FBXO21: variants seen among roughly 807,000 people sequenced by gnomAD.
The protein encoded by FBXO21 is F-box protein 21, also known as F-box only protein 21.
FBXO21 carries 32 observed loss-of-function variants against 76.6 expected under a neutral mutation model. The observed-to-expected ratio is 0.42, with a 90% confidence interval of 0.32 to 0.56. FBXO21 has a LOEUF of 0.56. Ranked by LOEUF, FBXO21 falls within the 20% of genes least tolerant of loss-of-function variation. The pLI, the probability that FBXO21 is intolerant of heterozygous loss-of-function variation, is 0.16. For synonymous variants in FBXO21, 328 were observed against 311.5 expected (o/e 1.05, Z -0.56); for missense variants, 586 against 797.3 (o/e 0.73, Z 3.19).
At chr12:117,181,811 G>A (rs541333776) in intron 3 of FBXO21, among the ~76,000 whole-genome samples, 34 of 152,074 alleles carry the variant, frequency 2.2e-4, no homozygotes, top group Non-Finnish European at 4.3e-4. Context: ...CACCATGCCC[G>A]GCTAATTTTT....
At chr12:117,183,167 CTATAA>C (rs138158852) in intron 3 of FBXO21, among the ~76,000 whole-genome samples, 3,469 of 152,124 alleles carry the variant, frequency 0.023, 131 homozygotes, top group African/African-American at 0.08. Flanking sequence ...TCTAAAAACA[CTATAA>C]TATATGTCTT....
intron 2 of FBXO21, 78 bp downstream of exon 2, chr12:117,189,149 C>A: frequency 6.5e-7 from 1 of 1,534,438 alleles, no homozygotes; most frequent in South Asian, 1.1e-5. Context: ...ACGAAAAGAG[C>A]TGGATGAGCT....
intron 3 of FBXO21, among the ~76,000 whole-genome samples, chr12:117,182,408 T>A (rs1445016852): frequency 1.3e-5 from 2 of 151,960 alleles, no homozygotes; most frequent in Non-Finnish European, 2.9e-5. Flanking sequence ...GAGGATCCCC[T>A]GAACACAGGA....
In FBXO21 at chr12:117,177,519, C is replaced by A. The variant is rs1956187462; in HGVS notation, c.592+1G>T. The stretch of plus-strand genomic sequence containing the variant: ...GTCCACATATATGGGAAAAGACCCA[C>A]CTTCAAGATACGACTCATAGTCATC... On this transcript the variant is annotated splice_donor_variant, in intron 4 of 11. Coordinates refer to ENST00000622495, the MANE Select transcript of FBXO21 (RefSeq NM_015002.3). LOFTEE classifies it high-confidence loss of function. 6.2e-7 allele frequency: 1 copy of A among 1,612,142 alleles called. No individual in the cohort carries two copies. The highest frequency in any genetic ancestry group is 8.5e-7 in the Non-Finnish European group (1 of 1,179,160).
At chr12:117,168,382 G>A (rs1038197587) in intron 7 of FBXO21, among the ~76,000 whole-genome samples, 6 of 152,040 alleles carry the variant, frequency 3.9e-5, no homozygotes, top group Non-Finnish European at 8.8e-5. Context: ...AAATTAGCTG[G>A]GCGTGGTGGT....
Position 117,186,502 on chromosome 12 carries a change from C to T in FBXO21, c.445G>A (p.Val149Met). 6.2e-7 allele frequency: 1 copy of T among 1,611,740 alleles called. No homozygotes were observed. The highest frequency in any genetic ancestry group is 8.5e-7 in the Non-Finnish European group (1 of 1,178,262). The change falls in exon 3 of 12, where the codon GTG (valine) becomes ATG (methionine). Residue 149 changes from valine (V) to methionine (M), a missense_variant. Val to Met is a conservative substitution (Grantham distance 21). Around this residue, in one of 6 missense-constraint regions of FBXO21, gnomAD observed 246 missense variants for 356.8 expected, o/e 0.69. Coordinates refer to ENST00000622495, the MANE Select transcript of FBXO21 (RefSeq NM_015002.3). ...CTTCCTTCCATATTTAGGATACACACCAGTTCATCCTCAAAAAAAATCTCT... is the reference window on the plus strand; with the variant it reads ...CTTCCTTCCATATTTAGGATACACATCAGTTCATCCTCAAAAAAAATCTCT... ...GPEIFFEDELVCILNMEGRKA... is the reference protein window; with the variant it reads ...GPEIFFEDELMCILNMEGRKA...
At chr12:117,156,911 T>C (rs1268650147) in intron 10 of FBXO21, among the ~76,000 whole-genome samples, 1 of 152,060 alleles carries the variant, frequency 6.6e-6, no homozygotes, top group African/African-American at 2.4e-5. Context: ...GGGCTGGGTG[T>C]GGTGGCTCAC....
Position 117,146,073 on chromosome 12 carries a change from G to C in FBXO21, c.*14C>G. 6.4e-7 allele frequency: 1 copy of C among 1,555,952 alleles called. No individual in the cohort carries two copies. The highest frequency in any genetic ancestry group is 1.4e-5 in the African/African-American group (1 of 72,812). On this transcript the variant is annotated 3_prime_UTR_variant, in exon 12 of 12. Coordinates refer to ENST00000622495, the MANE Select transcript of FBXO21 (RefSeq NM_015002.3). Reference sequence around the variant, plus strand: ...ATAGCAGCAGCAGCAAAGGTGCAATGTCCTCTCTAGACTTTACTCATCTAT... The same window carrying C: ...ATAGCAGCAGCAGCAAAGGTGCAATCTCCTCTCTAGACTTTACTCATCTAT...
chr12:117,184,708 T>C (rs1458211869), intron 3 of FBXO21, among the ~76,000 whole-genome samples: 1 of 152,164 alleles, frequency 6.6e-6, no homozygotes, highest in Non-Finnish European at 1.5e-5. Context: ...ATCACGCCAT[T>C]GCACTCCAGC....
At position 117,145,942 on chromosome 12, in the gene FBXO21, C is replaced by T; in HGVS notation, c.*145G>A. ...TGGGGAAGAGCACACGGTATTTAAACTTAGTAGGAGGCAACCAGCACTACT... is the reference window on the plus strand; with the variant it reads ...TGGGGAAGAGCACACGGTATTTAAATTTAGTAGGAGGCAACCAGCACTACT... On this transcript the variant is annotated 3_prime_UTR_variant, in exon 12 of 12. Transcript: ENST00000622495. The T allele has an allele frequency of 5.2e-6, 3 of 581,350 alleles. No homozygotes were observed. Among genetic ancestry groups the T allele is most frequent in the Non-Finnish European group, 5.9e-6 (2 of 338,554 alleles). 36.0% of individuals were successfully genotyped at this position (581,350 alleles called of 1,614,324 possible). A position where few individuals can be genotyped will look rare whatever the true frequency, so the allele number is the denominator to read the frequency against.
At chr12:117,146,412 G>A (rs1955771127) in intron 11 of FBXO21, 135 bp from the exon 12 acceptor site, 1 of 677,904 alleles carries the variant, frequency 1.5e-6, no homozygotes, top group Admixed American at 3.0e-5. Flanking sequence ...GATGTTTATG[G>A]AGTCAGGAGA....
Position 117,172,500 on chromosome 12 carries a change from G to T in FBXO21, c.984C>A (p.Phe328Leu). 1 of 1,614,004 alleles carries T rather than the reference G, an allele frequency of 6.2e-7. No individual in the cohort carries two copies. ...CTGCGCCTTGGCACCACCTTAATAAGAAGTGACTTGGGAAGTTGACAGGCT... is the reference window on the plus strand; with the variant it reads ...CTGCGCCTTGGCACCACCTTAATAATAAGTGACTTGGGAAGTTGACAGGCT... ...PLEPVNFPSH[F>L]LLRWCQGAEG... The change falls in exon 7 of 12, where the codon TTC (phenylalanine) becomes TTA (leucine). Residue 328 changes from phenylalanine to leucine, a missense_variant. By Grantham distance (22) the Phe-to-Leu change is conservative. This residue lies in a region of FBXO21 where 246 missense variants were observed against 356.8 expected (regional missense o/e 0.69). Transcript: ENST00000622495.
At chr12:117,174,974 A>C (rs1353345181) in intron 4 of FBXO21, among the ~76,000 whole-genome samples, 177 bp from the exon 5 acceptor site, 2 of 152,158 alleles carry the variant, frequency 1.3e-5, no homozygotes, top group Admixed American at 6.6e-5. Context: ...AAACATTTTC[A>C]TAACAAAGTA....
chr12:117,181,547 ATC>A (rs1484429244), intron 3 of FBXO21, among the ~76,000 whole-genome samples: 1 of 152,056 alleles, frequency 6.6e-6, no homozygotes, highest in Non-Finnish European at 1.5e-5. Flanking sequence ...ATTTATATCT[ATC>A]TATCTATCTG....
intron 7 of FBXO21, 100 bp from the exon 8 acceptor site, chr12:117,167,177 A>T: frequency 1.1e-6 from 1 of 871,364 alleles, no homozygotes; most frequent in South Asian, 1.6e-5. Flanking sequence ...TGAGACCATA[A>T]CATTTCTACT....
intron 11 of FBXO21, among the ~76,000 whole-genome samples, chr12:117,150,021 T>C (rs989014661): frequency 6.6e-6 from 1 of 152,184 alleles, no homozygotes; most frequent in Non-Finnish European, 1.5e-5. Context: ...GAGCAAGGAC[T>C]GGATTTGGTG....
intron 1 of FBXO21, among the ~76,000 whole-genome samples, 171 bp downstream of exon 1, chr12:117,190,047 G>T (rs1183338205): frequency 6.6e-6 from 1 of 151,708 alleles, no homozygotes; most frequent in Non-Finnish European, 1.5e-5. Flanking sequence ...TCCGCCTGGC[G>T]TGGCCCCGCA....
At chr12:117,172,362 A>G in intron 7 of FBXO21, 109 bp downstream of exon 7, 2 of 1,271,464 alleles carry the variant, frequency 1.6e-6, no homozygotes, top group South Asian at 1.5e-5. Context: ...CCCTAGTCCT[A>G]TTTTTAACCT....
chr12:117,161,030 G>T (rs533235417), intron 9 of FBXO21, among the ~76,000 whole-genome samples: 1 of 152,288 alleles, frequency 6.6e-6, no homozygotes, highest in South Asian at 2.1e-4. Context: ...TTAGGAACAA[G>T]ACCTGGTCCT....
Sources: allele counts gnomAD v4.1 joint callset (sites outside exome capture counted in the v4.1 genomes callset), GRCh38; gene constraint gnomAD v4.1.1; regional missense constraint gnomAD v4.1.1; transcripts MANE v1.5; gene names NCBI Gene and HGNC (gene_info 2026-07-23, HGNC 2026-07-21).